Variants in DYNC2H1 observed in about 807,000 individuals in gnomAD.
DYNC2H1 encodes cytoplasmic dynein 2 heavy chain 1.
DYNC2H1 carries 410 observed loss-of-function variants against 570.0 expected under a neutral mutation model. That is an observed-to-expected ratio of 0.72 (90% CI 0.66 to 0.78). The LOEUF is 0.78. DYNC2H1 is among the 30% of genes least tolerant of loss of function. DYNC2H1 has a pLI of 0.00. For synonymous variants in DYNC2H1, 1,688 were observed against 1,677.6 expected (o/e 1.01, Z -0.15); for missense variants, 4,865 against 5,046.4 (o/e 0.96, Z 1.09).
intron 24 of DYNC2H1, 39 bp from the exon 25 acceptor site, chr11:103,155,292 T>C: frequency 6.5e-7 from 1 of 1,534,232 alleles, no homozygotes; most frequent in Non-Finnish European, 8.8e-7. Flanking sequence ...TATGTATATG[T>C]GTATACATAT....
In DYNC2H1 at chr11:103,189,266, T is replaced by A. The variant is rs984309589; in HGVS notation, c.7293-406T>A. ...AGTTAAACCATATTGAAATACATTT[T>A]GGTTTGGGAGAAAGGGGTTGATTTT... is the stretch of plus-strand genomic sequence containing the variant. On this transcript the variant is annotated intron_variant, in intron 44 of 88. Transcript: ENST00000375735. This position sits in a 1 kb window ranked among gnomAD's most constrained non-coding sequence, Gnocchi z 4.3. 1.3e-5 allele frequency among the ~76,000 whole-genome samples: 2 copies of A among 152,100 alleles called. No individual in the cohort carries two copies. Among genetic ancestry groups the A allele is most frequent in the Non-Finnish European group, 2.9e-5 (2 of 68,008 alleles).
At chr11:103,336,982 GTGA>G (rs1183033498) in intron 82 of DYNC2H1, among the ~76,000 whole-genome samples, 1 of 152,128 alleles carries the variant, frequency 6.6e-6, no homozygotes, top group Non-Finnish European at 1.5e-5. Context: ...CTGCAGCACT[GTGA>G]CATGTTCGTG....
chr11:103,275,645 C>T lies in DYNC2H1; in HGVS notation c.10696-4703C>T, dbSNP rs1865879051. On this transcript the variant is annotated intron_variant, in intron 70 of 88. Coordinates refer to ENST00000375735, the MANE Select transcript of DYNC2H1 (RefSeq NM_001377.3). The surrounding 1 kb of genome is among the most constrained non-coding windows in gnomAD (Gnocchi z 4.8). ...AGCCTTTGTAGATTGTCTTCTTTCACTTACTATTGTACGTTTAAGGTTCTT... is the reference window on the plus strand; with the variant it reads ...AGCCTTTGTAGATTGTCTTCTTTCATTTACTATTGTACGTTTAAGGTTCTT... Among the ~76,000 whole-genome samples, 1 of 152,120 alleles carries T rather than the reference C, an allele frequency of 6.6e-6. No homozygotes were observed. The highest frequency in any genetic ancestry group is 6.6e-5 in the Admixed American group (1 of 15,262).
Position 103,209,947 on chromosome 11 carries a change from G to GA in DYNC2H1, c.8534dup (p.Asn2845LysfsTer4), listed in dbSNP as rs431905507. The GA allele has an allele frequency of 1.0e-5, 15 of 1,486,704 alleles. No homozygotes were observed. Among genetic ancestry groups the GA allele is most frequent in the South Asian group, 4.0e-5 (3 of 74,978 alleles). The allele number at this position is 1,486,704 out of a possible 1,614,324, so 92.1% of individuals were successfully genotyped here. A position where few individuals can be genotyped will look rare whatever the true frequency, so the allele number is the denominator to read the frequency against. ...ATGATAAAAAACGAAAAGAAGAAAAGAAAAAAAATTCAGGTAGTATTTTGA... is the reference window on the plus strand; with the variant it reads ...ATGATAAAAAACGAAAAGAAGAAAAGAAAAAAAAATTCAGGTAGTATTTTGA... On this transcript the variant is annotated frameshift_variant, in exon 53 of 89. Transcript: ENST00000375735. LOFTEE classifies it high-confidence loss of function. This position sits in a 1 kb window ranked among gnomAD's most constrained non-coding sequence, Gnocchi z 4.2.
chr11:103,366,993 G>GA (rs1240244562), intron 83 of DYNC2H1, among the ~76,000 whole-genome samples: 2 of 152,056 alleles, frequency 1.3e-5, no homozygotes, highest in Non-Finnish European at 2.9e-5. Flanking sequence ...TAGGTCTGTA[G>GA]AAAAATGTAG....
chr11:103,113,614 A>T lies in DYNC2H1; in HGVS notation c.273A>T (p.Leu91=). The change falls in exon 2 of 89, where the codon CTA becomes CTT. Residue 91 remains leucine (L), a synonymous_variant. Coordinates refer to ENST00000375735, the MANE Select transcript of DYNC2H1 (RefSeq NM_001377.3). ...CTGAAGTAATTACTGATGAGAATCT[A>T]CATGATAACATTCTTGTTTCATCTA... is the stretch of plus-strand genomic sequence containing the variant. ...LRPEVITDEN[L]HDNILVSSML... 1.3e-6 allele frequency: 2 copies of T among 1,575,672 alleles called. No individual in the cohort carries two copies. The highest frequency in any genetic ancestry group is 1.7e-6 in the Non-Finnish European group (2 of 1,166,422).
intron 50 of DYNC2H1, 143 bp downstream of exon 50, chr11:103,200,297 A>T (rs1281232055): frequency 3.4e-6 from 2 of 585,092 alleles, no homozygotes; most frequent in Non-Finnish European, 5.9e-6. Flanking sequence ...AAACATGCTC[A>T]TGGCAGGAGA....
intron 85 of DYNC2H1, among the ~76,000 whole-genome samples, chr11:103,438,536 C>CG (rs1944141060): frequency 6.6e-6 from 1 of 151,458 alleles, no homozygotes; most frequent in Admixed American, 6.6e-5. Context: ...CAGGTTGAGC[C>CG]CAGATCCAGC....
Position 103,151,654 on chromosome 11 carries a change from A to T in DYNC2H1, c.2947-482A>T, listed in dbSNP as rs1860548685. Reference sequence around the variant, plus strand: ...TTAAAAACCCTGAATGCATGAGCTTAATTTCACTTCTTTAGTTGTCTGTTT... The same window carrying T: ...TTAAAAACCCTGAATGCATGAGCTTTATTTCACTTCTTTAGTTGTCTGTTT... On this transcript the variant is annotated intron_variant, in intron 20 of 88. Coordinates refer to ENST00000375735, the MANE Select transcript of DYNC2H1 (RefSeq NM_001377.3). This position sits in a 1 kb window ranked among gnomAD's most constrained non-coding sequence, Gnocchi z 4.6. Among the ~76,000 whole-genome samples, 1 of 152,148 alleles carries T rather than the reference A, an allele frequency of 6.6e-6. No homozygotes were observed.
Position 103,189,952 on chromosome 11 carries a change from T to G in DYNC2H1, c.7437+136T>G. 1 of 841,880 alleles carries G rather than the reference T, an allele frequency of 1.2e-6. No individual in the cohort carries two copies. Among genetic ancestry groups the G allele is most frequent in the Non-Finnish European group, 1.8e-6 (1 of 560,750 alleles). 52.2% of individuals were successfully genotyped at this position (841,880 alleles called of 1,614,324 possible). A position where few individuals can be genotyped will look rare whatever the true frequency, so the allele number is the denominator to read the frequency against. Reference sequence around the variant, plus strand: ...AGACTTTTCTAGTAGAGAGTAACTGTGAAGACAGGTGCTGTGTGTGCCTTA... The same window carrying G: ...AGACTTTTCTAGTAGAGAGTAACTGGGAAGACAGGTGCTGTGTGTGCCTTA... On this transcript the variant is annotated intron_variant, in intron 45 of 88. Transcript: ENST00000375735. The surrounding 1 kb of genome is among the most constrained non-coding windows in gnomAD (Gnocchi z 4.3).
rs1861534285 is a variant in DYNC2H1 at position 103,170,762 on chromosome 11, A to C, written c.5152-124A>C. ...AGTAGCTACTTAATCCGTATTTTAAAATGAGCAAAAGAGGCATAGATGGGA... is the reference window on the plus strand; with the variant it reads ...AGTAGCTACTTAATCCGTATTTTAACATGAGCAAAAGAGGCATAGATGGGA... On this transcript the variant is annotated intron_variant, in intron 33 of 88. Transcript: ENST00000375735. This position sits in a 1 kb window ranked among gnomAD's most constrained non-coding sequence, Gnocchi z 4.8. 2 of 957,894 alleles carry C rather than the reference A, an allele frequency of 2.1e-6. No individual in the cohort carries two copies. The highest frequency in any genetic ancestry group is 2.8e-6 in the Non-Finnish European group (2 of 717,096). The allele number at this position is 957,894 out of a possible 1,614,324, so 59.3% of individuals were successfully genotyped here.
chr11:103,293,292 A>G (rs1026274387), intron 75 of DYNC2H1, among the ~76,000 whole-genome samples: 1 of 152,136 alleles, frequency 6.6e-6, no homozygotes, highest in African/African-American at 2.4e-5. Flanking sequence ...GCTGCCAGAC[A>G]TACGGAGCTT....
chr11:103,444,996 G>T lies in DYNC2H1; in HGVS notation c.12456+8964G>T, dbSNP rs528914005. 1.1e-3 allele frequency among the ~76,000 whole-genome samples: 167 copies of T among 152,302 alleles called. 1 individual carries two copies. The highest frequency in any genetic ancestry group is 3.5e-3 in the African/African-American group (144 of 41,562). On this transcript the variant is annotated intron_variant, in intron 85 of 88. Transcript: ENST00000375735. ...GGTGATTCCGCTGGTATATGAATAA[G>T]CTATAGGGAGGAAAAATAGGAGCAG...
intron 80 of DYNC2H1, among the ~76,000 whole-genome samples, chr11:103,320,047 T>A (rs1938085042): frequency 1.3e-5 from 2 of 152,242 alleles, no homozygotes; most frequent in South Asian, 4.1e-4. Context: ...GGAACTATGC[T>A]AGTAATGCTA....
At position 103,326,353 on chromosome 11, in the gene DYNC2H1, G is replaced by T. The variant is rs1938477812; in HGVS notation, c.12039+2363G>T. Among the ~76,000 whole-genome samples the T allele has an allele frequency of 6.6e-6, 1 of 152,120 alleles. No individual in the cohort carries two copies. Among genetic ancestry groups the T allele is most frequent in the African/African-American group, 2.4e-5 (1 of 41,420 alleles). On this transcript the variant is annotated intron_variant, in intron 82 of 88. Transcript: ENST00000375735. This position sits in a 1 kb window ranked among gnomAD's most constrained non-coding sequence, Gnocchi z 6.1. ...TTTGCTATGTGTTCGGGGTGGTTGG[G>T]CTCCCTCTGACAGGCTGCATCCGGG...
Position 103,393,975 on chromosome 11 carries a change from C to T in DYNC2H1, c.12157-5688C>T, listed in dbSNP as rs1455535871. Among the ~76,000 whole-genome samples, 3 of 152,202 alleles carry T rather than the reference C, an allele frequency of 2.0e-5. No individual in the cohort carries two copies. The East Asian group carries it at 5.8e-4, about 29-fold the overall frequency. On this transcript the variant is annotated intron_variant, in intron 83 of 88. Coordinates refer to ENST00000375735, the MANE Select transcript of DYNC2H1 (RefSeq NM_001377.3). ...CCTACCCCTATTATTCAATTACCTC[C>T]CACTGGGTCCCTCCCACAACATATG... is the stretch of plus-strand genomic sequence containing the variant.
At chr11:103,339,631 T>C (rs1169614659) in intron 82 of DYNC2H1, among the ~76,000 whole-genome samples, 1 of 144,224 alleles carries the variant, frequency 6.9e-6, no homozygotes, top group African/African-American at 2.5e-5. Context: ...TTGCCTGGAG[T>C]TGGGGGAGAG....
intron 83 of DYNC2H1, among the ~76,000 whole-genome samples, chr11:103,390,356 T>C (rs7927524): frequency 0.67 from 97,820 of 146,670 alleles, 32,903 homozygotes; most frequent in Admixed American, 0.72. Context: ...CTTGATAGAT[T>C]TTCCTCCATC....
At position 103,177,279 on chromosome 11, in the gene DYNC2H1, G is replaced by T. The variant is rs1473021200; in HGVS notation, c.5875-277G>T. Among the ~76,000 whole-genome samples the T allele has an allele frequency of 2.0e-5, 3 of 152,016 alleles. No individual in the cohort carries two copies. The highest frequency in any genetic ancestry group is 7.2e-5 in the African/African-American group (3 of 41,396). ...AATATATTTGAATGAGTGAATGAGTGGAGCAAGTAACGAACATAATTGTTC... is the reference window on the plus strand; with the variant it reads ...AATATATTTGAATGAGTGAATGAGTTGAGCAAGTAACGAACATAATTGTTC... On this transcript the variant is annotated intron_variant, in intron 37 of 88. Transcript: ENST00000375735. The surrounding 1 kb of genome is among the most constrained non-coding windows in gnomAD (Gnocchi z 4.4).
Sources: allele counts gnomAD v4.1 joint callset (sites outside exome capture counted in the v4.1 genomes callset), GRCh38; gene constraint gnomAD v4.1.1; non-coding constraint Gnocchi (gnomAD v3.1); transcripts MANE v1.5; gene names NCBI Gene and HGNC (gene_info 2026-07-23, HGNC 2026-07-21).